Variants in SLC9A1 observed in about 807,000 individuals in gnomAD.
SLC9A1 encodes solute carrier family 9 member A1.
In SLC9A1, 22 loss-of-function variants were observed where a neutral mutation model predicts 67.9. The observed-to-expected ratio is 0.32, with a 90% CI of 0.23 to 0.46. The LOEUF is 0.46. SLC9A1 is among the 20% of genes least tolerant of loss of function. SLC9A1 has a pLI of 1.00. For synonymous variants in SLC9A1, 421 were observed against 471.8 expected, an observed-to-expected ratio of 0.89 and a Z score of 1.40; for missense variants, 686 against 1,094.8, an observed-to-expected ratio of 0.63 and a Z score of 5.27.
intron 1 of SLC9A1, among the ~76,000 whole-genome samples, chr1:27,131,378 G>A (rs964858961): frequency 1.4e-5 from 2 of 141,592 alleles, no homozygotes; most frequent in Non-Finnish European, 3.0e-5. Context: ...TGGATCACTT[G>A]AGGTCAAGAG....
chr1:27,121,227 G>T (rs1323860458), intron 1 of SLC9A1, among the ~76,000 whole-genome samples: 1 of 152,080 alleles, frequency 6.6e-6, no homozygotes, highest in African/African-American at 2.4e-5. Flanking sequence ...TGGAGAGAAA[G>T]GGTCTCACCC....
Position 27,128,115 on chromosome 1 carries a change from C to T in SLC9A1, c.353-13829G>A, listed in dbSNP as rs115083034. Among the ~76,000 whole-genome samples, 332 of 152,328 alleles carry T rather than the reference C, an allele frequency of 2.2e-3. 1 individual carries two copies. The highest frequency in any genetic ancestry group is 7.2e-3 in the African/African-American group (299 of 41,574). On this transcript the variant is annotated intron_variant, in intron 1 of 11. Transcript: ENST00000263980. Reference sequence around the variant, plus strand: ...TGGCATCTGGGTACAGAATAGCATTCGTGCCATAGCAAGCTTGCACGAGGC... The same window carrying T: ...TGGCATCTGGGTACAGAATAGCATTTGTGCCATAGCAAGCTTGCACGAGGC...
intron 1 of SLC9A1, among the ~76,000 whole-genome samples, chr1:27,135,973 T>C (rs1404966938): frequency 2.0e-5 from 3 of 152,264 alleles, no homozygotes; most frequent in Non-Finnish European, 4.4e-5. Flanking sequence ...ACAGGTCAGA[T>C]AATCAGCCTA....
intron 1 of SLC9A1, among the ~76,000 whole-genome samples, chr1:27,150,268 G>A (rs553018888): frequency 6.6e-6 from 1 of 152,112 alleles, no homozygotes; most frequent in Non-Finnish European, 1.5e-5. Context: ...GATTCGCCTT[G>A]CAAAGACCAA....
Position 27,100,528 on chromosome 1 carries a change from C to T in SLC9A1, c.2227G>A (p.Gly743Arg). The T allele has an allele frequency of 2.5e-6, 4 of 1,614,120 alleles. No homozygotes were observed. Among genetic ancestry groups the T allele is most frequent in the Non-Finnish European group, 3.4e-6 (4 of 1,179,966 alleles). Residue 743 changes from glycine to arginine, a missense_variant, in exon 12 of 12, where the codon GGG (glycine) becomes AGG (arginine). Gly to Arg is a moderately radical substitution (Grantham distance 125). This residue lies in a region of SLC9A1 where 226 missense variants were observed against 282.4 expected (regional missense o/e 0.80). Coordinates refer to ENST00000263980, the MANE Select transcript of SLC9A1 (RefSeq NM_003047.5). The surrounding 1 kb of genome is among the most constrained non-coding windows in gnomAD (Gnocchi z 5.6). ...ACCTTTGCAGGATCCCGGCTCAACC[C>T]TAAGACTTTGCCCTTCAGCTCTTCA... is the stretch of plus-strand genomic sequence containing the variant. Reference protein sequence around the residue: ...VNEELKGKVLGLSRDPAKVAE... With the variant: ...VNEELKGKVLRLSRDPAKVAE...
intron 1 of SLC9A1, among the ~76,000 whole-genome samples, chr1:27,121,847 G>A (rs1276068001): frequency 6.6e-6 from 1 of 152,186 alleles, no homozygotes; most frequent in African/African-American, 2.4e-5. Flanking sequence ...GGAGGGCCGG[G>A]CGCAGTGGCT....
chr1:27,135,525 G>GGA (rs1553119965), intron 1 of SLC9A1, among the ~76,000 whole-genome samples: 51 of 110,016 alleles, frequency 4.6e-4, no homozygotes, highest in African/African-American at 1.4e-3. Flanking sequence ...CTTTTTTCTG[G>GGA]AAAAAAAAAA....
Position 27,109,341 on chromosome 1 carries a change from A to T in SLC9A1, c.1064+186T>A, listed in dbSNP as rs996111702. ...GCTGCAGAAGTGCTCCTCTTCTAGG[A>T]AGCCACTGATGCCCTTGGCCATTTA... On this transcript the variant is annotated intron_variant, in intron 3 of 11. Transcript: ENST00000263980. This position sits in a 1 kb window ranked among gnomAD's most constrained non-coding sequence, Gnocchi z 5.5. 1.6e-4 allele frequency among the ~76,000 whole-genome samples: 25 copies of T among 152,064 alleles called. No individual in the cohort carries two copies. The highest frequency in any genetic ancestry group is 6.5e-5 in the Admixed American group (1 of 15,278).
intron 1 of SLC9A1, 141 bp downstream of exon 1, chr1:27,153,842 A>AC: frequency 1.7e-6 from 1 of 603,060 alleles, no homozygotes; most frequent in Non-Finnish European, 2.9e-6. Context: ...CCTGAGAAGG[A>AC]CCAAGGTGGC....
chr1:27,125,565 C>T (rs1280226785), intron 1 of SLC9A1, among the ~76,000 whole-genome samples: 1 of 150,486 alleles, frequency 6.6e-6, no homozygotes, highest in Non-Finnish European at 1.5e-5. Context: ...ACTCTTGCCC[C>T]CCAGGCTCTT....
At position 27,134,631 on chromosome 1, in the gene SLC9A1, C is replaced by T. The variant is rs372369766; in HGVS notation, c.352+19352G>A. Among the ~76,000 whole-genome samples, 4 of 152,298 alleles carry T rather than the reference C, an allele frequency of 2.6e-5. No individual in the cohort carries two copies. The East Asian group carries it at 5.8e-4, about 22-fold the overall frequency. ...GCCGCAAGTGACTGGTTTCAGGGTC[C>T]ATCCCAGACTCTCCCCTCTTGAAGC... On this transcript the variant is annotated intron_variant, in intron 1 of 11. Coordinates refer to ENST00000263980, the MANE Select transcript of SLC9A1 (RefSeq NM_003047.5).
chr1:27,147,584 T>C (rs2083496544), intron 1 of SLC9A1, among the ~76,000 whole-genome samples: 1 of 151,970 alleles, frequency 6.6e-6, no homozygotes, highest in Non-Finnish European at 1.5e-5. Context: ...GGGAGGATCA[T>C]TTGAGGCCAG....
chr1:27,143,380 G>A (rs1053686457), intron 1 of SLC9A1, among the ~76,000 whole-genome samples: 3 of 152,138 alleles, frequency 2.0e-5, no homozygotes, highest in African/African-American at 7.2e-5. Context: ...TTTCCCACCT[G>A]TGCTTTCTCC....
In SLC9A1 at chr1:27,101,865, A is replaced by C. The variant is rs2083147965; in HGVS notation, c.1936-39T>G. The stretch of plus-strand genomic sequence containing the variant: ...AGCGTCAGGGCAGTGCGGGCCCCGG[A>C]AGGCTCTGCTCATGGAGGGGTGGGG... On this transcript the variant is annotated intron_variant, in intron 9 of 11. Transcript: ENST00000263980. This position sits in a 1 kb window ranked among gnomAD's most constrained non-coding sequence, Gnocchi z 4.9. The C allele has an allele frequency of 6.5e-7, 1 of 1,537,546 alleles. No individual in the cohort carries two copies. Among genetic ancestry groups the C allele is most frequent in the South Asian group, 1.1e-5 (1 of 89,366 alleles).
chr1:27,135,635 T>C (rs1253009803), intron 1 of SLC9A1, among the ~76,000 whole-genome samples: 1 of 150,602 alleles, frequency 6.6e-6, no homozygotes, highest in Non-Finnish European at 1.5e-5. Context: ...CATTTAATTC[T>C]CACAAAACCC....
At chr1:27,131,830 A>T (rs1467407788) in intron 1 of SLC9A1, among the ~76,000 whole-genome samples, 2 of 120,520 alleles carry the variant, frequency 1.7e-5, no homozygotes, top group Non-Finnish European at 3.6e-5. Flanking sequence ...CTGAGGCAGG[A>T]GAACTGCTTG....
chr1:27,146,104 G>C (rs781218706), intron 1 of SLC9A1, among the ~76,000 whole-genome samples: 45 of 152,284 alleles, frequency 3.0e-4, no homozygotes, highest in Non-Finnish European at 6.5e-4. Context: ...GGGGGAGCGA[G>C]TGCTGCAAAA....
At chr1:27,128,013 C>A (rs1226057731) in intron 1 of SLC9A1, among the ~76,000 whole-genome samples, 1 of 152,220 alleles carries the variant, frequency 6.6e-6, no homozygotes, top group Non-Finnish European at 1.5e-5. Flanking sequence ...CTACCTCTGA[C>A]ATCTGACTGA....
Position 27,101,022 on chromosome 1 carries a change from C to T in SLC9A1, c.2110+181G>A, listed in dbSNP as rs545437423. The stretch of plus-strand genomic sequence containing the variant: ...CTCCCCACACAGTCCTCGCCCGGAA[C>T]GTCTCTCTCCCTAGGGATGGCCCCT... On this transcript the variant is annotated intron_variant, in intron 11 of 11. Coordinates refer to ENST00000263980, the MANE Select transcript of SLC9A1 (RefSeq NM_003047.5). The surrounding 1 kb of genome is among the most constrained non-coding windows in gnomAD (Gnocchi z 4.9). Among the ~76,000 whole-genome samples, 50 of 152,348 alleles carry T rather than the reference C, an allele frequency of 3.3e-4. No individual in the cohort carries two copies. Among genetic ancestry groups the T allele is most frequent in the African/African-American group, 8.7e-4 (36 of 41,590 alleles).
Sources: allele counts gnomAD v4.1 joint callset (sites outside exome capture counted in the v4.1 genomes callset), GRCh38; gene constraint gnomAD v4.1.1; regional missense constraint gnomAD v4.1.1; non-coding constraint Gnocchi (gnomAD v3.1); transcripts MANE v1.5; gene names NCBI Gene and HGNC (gene_info 2026-07-23, HGNC 2026-07-21).